The following BCAS3 variants were observed in gnomAD, a reference collection of about 807,000 sequenced individuals.
BCAS3 encodes BCAS4/BCAS3 fusion.
A neutral mutation model predicts 116.1 loss-of-function variants in BCAS3; 53 were observed. That is an observed-to-expected ratio of 0.46 (90% CI 0.37 to 0.57). The LOEUF is 0.57. Among genes scored for constraint, BCAS3 ranks in the 20% least tolerant of loss-of-function variants. The probability of loss-of-function intolerance (pLI) is 0.00; values close to 1 mark genes in which losing one functional copy is unlikely to be tolerated. For missense variants in BCAS3, 917 were observed against 1,165.4 expected, an observed-to-expected ratio of 0.79 and a Z score of 3.10; for synonymous variants, 391 against 408.2, an observed-to-expected ratio of 0.96 and a Z score of 0.51.
intron 6 of BCAS3, among the ~76,000 whole-genome samples, chr17:60,798,580 T>C (rs931665491): frequency 6.6e-6 from 1 of 152,248 alleles, no homozygotes. Context: ...ATTTATCCAT[T>C]CATCTGCTGA....
intron 7 of BCAS3, among the ~76,000 whole-genome samples, chr17:60,837,422 C>T (rs527353665): frequency 6.6e-6 from 1 of 152,102 alleles, no homozygotes; most frequent in East Asian, 1.9e-4. Context: ...CTAAGAGAAA[C>T]AGGAGACACA....
chr17:61,292,969 A>C (rs1217147558), intron 22 of BCAS3, among the ~76,000 whole-genome samples: 1 of 152,224 alleles, frequency 6.6e-6, no homozygotes, highest in Non-Finnish European at 1.5e-5. Flanking sequence ...ACCAATGTTC[A>C]AATAAGCCAG....
rs541799349 is a variant in BCAS3 at position 61,215,462 on chromosome 17, A to G, written c.2425+130898A>G. Among the ~76,000 whole-genome samples the G allele has an allele frequency of 1.3e-5, 2 of 152,302 alleles. No individual in the cohort carries two copies. The highest frequency in any genetic ancestry group is 4.8e-5 in the African/African-American group (2 of 41,568). On this transcript the variant is annotated intron_variant, in intron 22 of 23. Coordinates refer to ENST00000407086, the MANE Select transcript of BCAS3 (RefSeq NM_017679.5). The surrounding 1 kb of genome is among the most constrained non-coding windows in gnomAD (Gnocchi z 4.8). ...CTCCCTCTAGATTTGTAGTAATTCT[A>G]TGATATATTACTTGAAGAACAGAGG...
intron 12 of BCAS3, among the ~76,000 whole-genome samples, chr17:60,918,631 T>C (rs899343023): frequency 1.3e-5 from 2 of 152,096 alleles, no homozygotes; most frequent in African/African-American, 4.8e-5. Context: ...TTGAAAGGCC[T>C]GTCTGTCAAA....
At chr17:60,816,139 C>T (rs1042206229) in intron 7 of BCAS3, among the ~76,000 whole-genome samples, 3 of 152,192 alleles carry the variant, frequency 2.0e-5, no homozygotes, top group African/African-American at 7.2e-5. Flanking sequence ...AGCTCCCTGG[C>T]ACATACTTTA....
intron 14 of BCAS3, among the ~76,000 whole-genome samples, chr17:60,986,490 C>A (rs904750700): frequency 6.6e-6 from 1 of 152,156 alleles, no homozygotes; most frequent in Non-Finnish European, 1.5e-5. Flanking sequence ...TCTCCACATC[C>A]TTGCCATCGT....
intron 22 of BCAS3, among the ~76,000 whole-genome samples, chr17:61,209,189 A>G (rs953840471): frequency 4.6e-5 from 7 of 152,126 alleles, no homozygotes; most frequent in Non-Finnish European, 8.8e-5. Context: ...AGTGAAAAAA[A>G]AAAAAAAATC....
chr17:60,724,036 T>A (rs1598306923), intron 5 of BCAS3, among the ~76,000 whole-genome samples: 1 of 152,126 alleles, frequency 6.6e-6, no homozygotes, highest in South Asian at 2.1e-4. Context: ...TTCACTTTCT[T>A]AAAATTTTCT....
chr17:60,898,077 C>T (rs898628499), intron 10 of BCAS3, among the ~76,000 whole-genome samples: 2 of 151,876 alleles, frequency 1.3e-5, no homozygotes, highest in Non-Finnish European at 2.9e-5. Context: ...TTATCTGTCT[C>T]TTTGGTAAAT....
rs550900316 is a variant in BCAS3, at chr17:60,872,498, A to G, written c.585-2164A>G. Among the ~76,000 whole-genome samples the G allele has an allele frequency of 2.0e-5, 3 of 151,336 alleles. No individual in the cohort carries two copies. In the South Asian group the frequency reaches 6.3e-4, roughly 32 times the overall value. ...TCTGTATGTATATATCTGTATGTATATATACACACATACACACCCCATATA... is the reference window on the plus strand; with the variant it reads ...TCTGTATGTATATATCTGTATGTATGTATACACACATACACACCCCATATA... On this transcript the variant is annotated intron_variant, in intron 8 of 23. Transcript: ENST00000407086.
At position 61,259,197 on chromosome 17, in the gene BCAS3, A is replaced by G. The variant is rs552022968; in HGVS notation, c.2426-109130A>G. On this transcript the variant is annotated intron_variant, in intron 22 of 23. Transcript: ENST00000407086. The surrounding 1 kb of genome is among the most constrained non-coding windows in gnomAD (Gnocchi z 4.7). ...GGTAGCTGCTTAGTAAACAGTAGTT[A>G]GTATCATCATTACTTGTATTTACAT... Among the ~76,000 whole-genome samples, 1 of 152,356 alleles carries G rather than the reference A, an allele frequency of 6.6e-6. No homozygotes were observed. Among genetic ancestry groups the G allele is most frequent in the East Asian group, 1.9e-4 (1 of 5,188 alleles).
At position 61,134,302 on chromosome 17, in the gene BCAS3, G is replaced by A. The variant is rs964951649; in HGVS notation, c.2425+49738G>A. Among the ~76,000 whole-genome samples, 1 of 152,200 alleles carries A rather than the reference G, an allele frequency of 6.6e-6. No homozygotes were observed. Among genetic ancestry groups the A allele is most frequent in the African/African-American group, 2.4e-5 (1 of 41,450 alleles). On this transcript the variant is annotated intron_variant, in intron 22 of 23. Coordinates refer to ENST00000407086, the MANE Select transcript of BCAS3 (RefSeq NM_017679.5). This position sits in a 1 kb window ranked among gnomAD's most constrained non-coding sequence, Gnocchi z 4.6. ...TTTTAAAAATCAACTGTTAGGCACT[G>A]TGCTCAGACTTTATGAGCATTGTCT...
intron 6 of BCAS3, among the ~76,000 whole-genome samples, chr17:60,765,439 T>C: frequency 6.6e-6 from 1 of 152,164 alleles, no homozygotes; most frequent in Non-Finnish European, 1.5e-5. Flanking sequence ...TTATTTCTCC[T>C]TCACTTATGA....
At chr17:60,742,028 GTTA>G (rs1482575452) in intron 5 of BCAS3, among the ~76,000 whole-genome samples, 1 of 152,106 alleles carries the variant, frequency 6.6e-6, no homozygotes, top group Non-Finnish European at 1.5e-5. Context: ...GATTTGGGAT[GTTA>G]TTATAGCTGG....
At chr17:60,720,535 T>C (rs187533871) in intron 5 of BCAS3, among the ~76,000 whole-genome samples, 11 of 152,348 alleles carry the variant, frequency 7.2e-5, no homozygotes, top group Non-Finnish European at 1.0e-4. Flanking sequence ...TGAAACAGTA[T>C]ACAGTTGGCC....
intron 22 of BCAS3, among the ~76,000 whole-genome samples, chr17:61,280,389 G>A (rs2051137883): frequency 6.6e-6 from 1 of 152,178 alleles, no homozygotes; most frequent in Admixed American, 6.5e-5. Context: ...AGTCCAAGAG[G>A]CTATTGGTTA....
At chr17:60,880,763 C>T (rs190619890) in intron 9 of BCAS3, among the ~76,000 whole-genome samples, 1 of 152,230 alleles carries the variant, frequency 6.6e-6, no homozygotes, top group Non-Finnish European at 1.5e-5. Flanking sequence ...TTGAATTTCC[C>T]TGATGGCTAA....
At chr17:61,351,414 T>TA (rs2057837050) in intron 22 of BCAS3, among the ~76,000 whole-genome samples, 1 of 152,200 alleles carries the variant, frequency 6.6e-6, no homozygotes, top group Non-Finnish European at 1.5e-5. Flanking sequence ...CTTCTGGGAG[T>TA]AAAATCAGTA....
At chr17:61,060,431 G>A (rs1308706359) in intron 19 of BCAS3, among the ~76,000 whole-genome samples, 2 of 151,964 alleles carry the variant, frequency 1.3e-5, no homozygotes, top group Non-Finnish European at 2.9e-5. Context: ...CACTGCGCCC[G>A]GCCACCAGAC....
Sources: gnomAD v4.1 joint callset for allele counts (sites outside exome capture counted in the v4.1 genomes callset) on GRCh38, gnomAD v4.1.1 for gene constraint, Gnocchi (gnomAD v3.1) non-coding constraint, MANE v1.5 for transcripts, NCBI Gene and HGNC (gene_info 2026-07-23, HGNC 2026-07-21) for gene names.